Variants in CDK17 observed in about 807,000 individuals in gnomAD.
CDK17 encodes the protein cyclin dependent kinase 17.
In CDK17, 24 loss-of-function variants were observed where a neutral mutation model predicts 77.6. The observed-to-expected ratio is 0.31, with a 90% CI of 0.22 to 0.44. The LOEUF is 0.44. CDK17 is among the 20% of genes least tolerant of loss of function. CDK17 has a pLI of 1.00. For missense variants in CDK17, 429 were observed against 622.5 expected (o/e 0.69, Z 3.31); for synonymous variants, 203 against 210.4 (o/e 0.96, Z 0.30).
intron 12 of CDK17, among the ~76,000 whole-genome samples, 184 bp from the exon 13 acceptor site, chr12:96,286,332 T>C (rs1345657267): frequency 6.6e-6 from 1 of 151,930 alleles, no homozygotes; most frequent in East Asian, 1.9e-4. Flanking sequence ...GTTTGGACTT[T>C]GCAATGATAC....
Position 96,295,017 on chromosome 12 carries a change from A to T in CDK17, c.979T>A (p.Leu327Ile), listed in dbSNP as rs1391239107. ...TCCATACCAAAATCTGCTAGCTTTA[A>T]TTCTCCTTTCTCATTAATGAGGAGG... is the stretch of plus-strand genomic sequence containing the variant. ...QNLLINEKGE[L>I]KLADFGLARA... is the part of the protein sequence containing the mutation. The change falls in exon 10 of 17, where the codon TTA (leucine) becomes ATA (isoleucine). Residue 327 changes from leucine (L) to isoleucine (I), a missense_variant. Leu to Ile is a conservative substitution (Grantham distance 5). Transcript: ENST00000261211. 2 of 1,611,386 alleles carry T rather than the reference A, an allele frequency of 1.2e-6. No individual in the cohort carries two copies. Among genetic ancestry groups the T allele is most frequent in the East Asian group, 4.5e-5 (2 of 44,766 alleles).
intron 2 of CDK17, among the ~76,000 whole-genome samples, chr12:96,331,829 G>GT (rs1352527411): frequency 6.6e-6 from 1 of 152,166 alleles, no homozygotes. Context: ...ATATGCAAGA[G>GT]TAATAGGACT....
intron 1 of CDK17, chr12:96,399,162 T>TG (rs1954217853): frequency 1.3e-5 from 2 of 152,210 alleles, no homozygotes; most frequent in South Asian, 4.1e-4. Context: ...TGTGGCAGTG[T>TG]GGGGGTGACA....
rs1952643158 is a variant in CDK17, at chr12:96,311,306, T to C, written c.418-129A>G. On this transcript the variant is annotated intron_variant, in intron 4 of 16. Coordinates refer to ENST00000261211, the MANE Select transcript of CDK17 (RefSeq NM_002595.5). ...GTTTTATTGCAGTTGCAAAGTTACC[T>C]ACATTGATTATATGTAATATACTCA... 1.5e-5 allele frequency: 10 copies of C among 674,512 alleles called. No homozygotes were observed. In the South Asian group the frequency reaches 2.2e-4, roughly 15 times the overall value. 41.8% of individuals were successfully genotyped at this position (674,512 alleles called of 1,614,324 possible). A position where few individuals can be genotyped will look rare whatever the true frequency, so the allele number is the denominator to read the frequency against.
At chr12:96,339,891 C>G (rs1953098918) in intron 1 of CDK17, among the ~76,000 whole-genome samples, 1 of 151,988 alleles carries the variant, frequency 6.6e-6, no homozygotes, top group African/African-American at 2.4e-5. Flanking sequence ...CGTGTCACTG[C>G]ACTCCAGCCT....
At chr12:96,350,286 T>A (rs1020654157) in intron 1 of CDK17, among the ~76,000 whole-genome samples, 1 of 151,380 alleles carries the variant, frequency 6.6e-6, no homozygotes, top group Non-Finnish European at 1.5e-5. Flanking sequence ...CGGTTTACAG[T>A]GAGCTATGAT....
rs534775554 is a variant in CDK17, at chr12:96,359,321, C to T, written c.-29-24456G>A. Among the ~76,000 whole-genome samples, 6 of 152,288 alleles carry T rather than the reference C, an allele frequency of 3.9e-5. No homozygotes were observed. In the South Asian group the frequency reaches 6.2e-4, roughly 16 times the overall value. ...CCTTTAAAGAAGACATTAATTAATACCAACTGTAGCAGTCAGATTTGACTA... is the reference window on the plus strand; with the variant it reads ...CCTTTAAAGAAGACATTAATTAATATCAACTGTAGCAGTCAGATTTGACTA... On this transcript the variant is annotated intron_variant, in intron 1 of 16. Transcript: ENST00000261211.
intron 1 of CDK17, among the ~76,000 whole-genome samples, chr12:96,373,650 A>C (rs1953729974): frequency 6.6e-6 from 1 of 151,012 alleles, no homozygotes; most frequent in African/African-American, 2.4e-5. Context: ...GGCTGGGCAC[A>C]GTGACTCACG....
intron 10 of CDK17, among the ~76,000 whole-genome samples, chr12:96,293,398 G>A (rs570613939): frequency 6.6e-6 from 1 of 152,166 alleles, no homozygotes; most frequent in South Asian, 2.1e-4. Context: ...TCTGTGTGTC[G>A]TGATATGTTG....
intron 1 of CDK17, among the ~76,000 whole-genome samples, chr12:96,381,464 G>GACAT (rs1387085649): frequency 6.6e-6 from 1 of 151,526 alleles, no homozygotes; most frequent in African/African-American, 2.4e-5. Flanking sequence ...TAGATATACT[G>GACAT]ACATACCTAC....
At chr12:96,340,090 A>G (rs1724579279) in intron 1 of CDK17, among the ~76,000 whole-genome samples, 2 of 151,996 alleles carry the variant, frequency 1.3e-5, no homozygotes, top group Admixed American at 1.3e-4. Flanking sequence ...CTACTGGACA[A>G]TGCTGACATA....
intron 1 of CDK17, among the ~76,000 whole-genome samples, chr12:96,347,100 A>G (rs1332646322): frequency 6.6e-6 from 1 of 152,220 alleles, no homozygotes; most frequent in Non-Finnish European, 1.5e-5. Flanking sequence ...GGGGTTCGAT[A>G]CATTAAGCTA....
intron 5 of CDK17, among the ~76,000 whole-genome samples, chr12:96,310,247 C>G (rs1000343945): frequency 6.6e-6 from 1 of 151,996 alleles, no homozygotes; most frequent in Admixed American, 6.6e-5. Context: ...TGTATAACTT[C>G]CATACATACT....
chr12:96,297,606 G>A (rs887273024), intron 8 of CDK17, 21 bp downstream of exon 8: 1 of 1,423,460 alleles, frequency 7.0e-7, no homozygotes, highest in Non-Finnish European at 9.8e-7. Context: ...GTTAAATACT[G>A]AATTTTTATG....
chr12:96,379,564 T>C (rs1953842585), intron 1 of CDK17, among the ~76,000 whole-genome samples: 1 of 152,000 alleles, frequency 6.6e-6, no homozygotes, highest in South Asian at 2.1e-4. Flanking sequence ...TAACTAGGAC[T>C]GCAGGCACAC....
intron 1 of CDK17, among the ~76,000 whole-genome samples, chr12:96,345,485 A>G (rs1327090310): frequency 2.0e-5 from 3 of 152,250 alleles, no homozygotes; most frequent in Non-Finnish European, 2.9e-5. Context: ...CCTTGCCAGT[A>G]TCTGTTGTTT....
chr12:96,377,321 G>A (rs904790819), intron 1 of CDK17, among the ~76,000 whole-genome samples: 3 of 152,102 alleles, frequency 2.0e-5, no homozygotes, highest in African/African-American at 7.2e-5. Flanking sequence ...CGAAAGTTAT[G>A]CATGAAAAAA....
chr12:96,345,837 A>T (rs911258696), intron 1 of CDK17, among the ~76,000 whole-genome samples: 14 of 152,226 alleles, frequency 9.2e-5, no homozygotes, highest in African/African-American at 3.4e-4. Context: ...TTTAAAAATT[A>T]GCAAAGTGCA....
intron 1 of CDK17, among the ~76,000 whole-genome samples, chr12:96,385,458 C>G (rs2137235206): frequency 6.6e-6 from 1 of 152,268 alleles, no homozygotes; most frequent in East Asian, 1.9e-4. Context: ...ACCTCAGCAT[C>G]ACGCAATATA....
Sources: gnomAD v4.1 joint callset for allele counts (sites outside exome capture counted in the v4.1 genomes callset) on GRCh38, gnomAD v4.1.1 for gene constraint, MANE v1.5 for transcripts, NCBI Gene and HGNC (gene_info 2026-07-23, HGNC 2026-07-21) for gene names.